Variants in DSCAM observed in about 807,000 individuals in gnomAD.
DSCAM encodes the protein DS cell adhesion molecule.
Under a neutral mutation model 217.7 loss-of-function variants are expected in DSCAM, and 47 were observed. The observed-to-expected ratio is 0.22, with a 90% CI of 0.17 to 0.28. The LOEUF (loss-of-function observed/expected upper bound fraction) is 0.28, where lower values mean the gene tolerates loss of function less well. Among genes scored for constraint, DSCAM ranks in the 10% least tolerant of loss-of-function variants. The pLI, the probability that DSCAM is intolerant of heterozygous loss-of-function variation, is 1.00. For missense variants in DSCAM, 2,080 were observed against 2,618.3 expected, an observed-to-expected ratio of 0.79 and a Z score of 4.49; for synonymous variants, 1,056 against 1,015.3, an observed-to-expected ratio of 1.04 and a Z score of -0.76.
At position 40,189,163 on chromosome 21, in the gene DSCAM, G is replaced by A. The variant is rs2090928314; in HGVS notation, c.2432C>T (p.Ala811Val). 3.7e-6 allele frequency: 6 copies of A among 1,613,846 alleles called. No individual in the cohort carries two copies. The highest frequency in any genetic ancestry group is 3.4e-6 in the Non-Finnish European group (4 of 1,180,012). ...QGQKKEMSCT[A>V]HGEKPIIVRW... ...GACTATAATGGGCTTCTCACCATGC[G>A]CCGTGCAGCTCATCTCCTTTTTCTG... The change falls in exon 12 of 33, where the codon GCG (alanine) becomes GTG (valine). Residue 811 changes from alanine (A) to valine (V), a missense_variant. Ala to Val is a moderately conservative substitution (Grantham distance 64, BLOSUM62 0). Coordinates refer to ENST00000400454, the MANE Select transcript of DSCAM (RefSeq NM_001389.5).
chr21:40,538,166 G>C (rs373026596), intron 3 of DSCAM, among the ~76,000 whole-genome samples: 1 of 152,200 alleles, frequency 6.6e-6, no homozygotes, highest in East Asian at 1.9e-4. Flanking sequence ...CTCTCCCATC[G>C]GTCACTCACT....
At chr21:40,427,103 G>A (rs758471343) in intron 3 of DSCAM, among the ~76,000 whole-genome samples, 30 of 152,184 alleles carry the variant, frequency 2.0e-4, no homozygotes, top group Non-Finnish European at 3.4e-4. Flanking sequence ...TCTCTGCAAT[G>A]AGCCTTGAAG....
chr21:40,035,460 G>GCTAA (rs2088601076), intron 32 of DSCAM, among the ~76,000 whole-genome samples: 1 of 129,156 alleles, frequency 7.7e-6, no homozygotes, highest in Non-Finnish European at 1.6e-5. Flanking sequence ...AACAAGAAGA[G>GCTAA]CTAACTATCC....
At chr21:40,721,298 A>T (rs947547004) in intron 1 of DSCAM, among the ~76,000 whole-genome samples, 5 of 152,202 alleles carry the variant, frequency 3.3e-5, no homozygotes, top group African/African-American at 1.2e-4. Flanking sequence ...AATAAGGGAA[A>T]TATGGCATAT....
chr21:40,060,613 C>T (rs1480225549), intron 28 of DSCAM, among the ~76,000 whole-genome samples: 1 of 152,122 alleles, frequency 6.6e-6, no homozygotes, highest in Non-Finnish European at 1.5e-5. Flanking sequence ...AAACTCACGC[C>T]ATTCTAAAGG....
intron 8 of DSCAM, among the ~76,000 whole-genome samples, chr21:40,313,754 C>CT (rs1220327102): frequency 1.3e-5 from 2 of 151,782 alleles, no homozygotes; most frequent in African/African-American, 4.8e-5. Context: ...TAATGTAAGC[C>CT]TTTTTTGTGT....
chr21:40,458,700 C>T (rs1026884489), intron 3 of DSCAM, among the ~76,000 whole-genome samples: 1 of 152,014 alleles, frequency 6.6e-6, no homozygotes, highest in African/African-American at 2.4e-5. Flanking sequence ...AAGATTTAAA[C>T]AACATAGTTA....
rs1370067482 is a variant in DSCAM, at chr21:40,762,136, C to T, written c.44-53365G>A. Among the ~76,000 whole-genome samples the T allele has an allele frequency of 2.6e-5, 4 of 152,164 alleles. No homozygotes were observed. The East Asian group carries it at 5.8e-4, about 22-fold the overall frequency. ...AGAGCAGAACTGAAGGAGTTAGACA[C>T]ATGAAAACACCTTCAAAAAATTAAT... is the stretch of plus-strand genomic sequence containing the variant. On this transcript the variant is annotated intron_variant, in intron 1 of 32. Coordinates refer to ENST00000400454, the MANE Select transcript of DSCAM (RefSeq NM_001389.5).
chr21:40,030,354 C>G (rs1444691453), intron 32 of DSCAM, among the ~76,000 whole-genome samples: 1 of 152,102 alleles, frequency 6.6e-6, no homozygotes, highest in Non-Finnish European at 1.5e-5. Flanking sequence ...TCGTTCCCGA[C>G]TGTGGTGAGT....
At position 40,085,765 on chromosome 21, in the gene DSCAM, A is replaced by T. The variant is rs566855093; in HGVS notation, c.3969T>A (p.Ser1323Arg). ...TCGTTACTAGACTGGGTGTCCCGTTACTGCCTCACAGGAAGAAAAATGCAC... is the reference window on the plus strand; with the variant it reads ...TCGTTACTAGACTGGGTGTCCCGTTTCTGCCTCACAGGAAGAAAAATGCAC... Reference protein sequence around the residue: ...PSPAVKWMKDSNGTPSLVTID... With the variant: ...PSPAVKWMKDRNGTPSLVTID... The change falls in exon 23 of 33, where the codon AGT (serine) becomes AGA (arginine). Residue 1323 changes from serine to arginine, a missense_variant and splice_region_variant. Ser to Arg is a moderately radical substitution (Grantham distance 110). Around this residue, in one of 5 missense-constraint regions of DSCAM, gnomAD observed 1,144 missense variants for 1,421.1 expected, o/e 0.81. Coordinates refer to ENST00000400454, the MANE Select transcript of DSCAM (RefSeq NM_001389.5). The T allele has an allele frequency of 2.0e-6, 3 of 1,495,678 alleles. No individual in the cohort carries two copies. The East Asian group carries it at 7.1e-5, about 35-fold the overall frequency. 92.7% of individuals were successfully genotyped at this position (1,495,678 alleles called of 1,614,324 possible).
At chr21:40,216,197 T>C (rs1247862940) in intron 11 of DSCAM, among the ~76,000 whole-genome samples, 1 of 152,088 alleles carries the variant, frequency 6.6e-6, no homozygotes, top group African/African-American at 2.4e-5. Context: ...ACTCCTGGGC[T>C]CAAGTGATCC....
chr21:40,319,637 T>G (rs1040447088), intron 8 of DSCAM, among the ~76,000 whole-genome samples: 9 of 152,184 alleles, frequency 5.9e-5, no homozygotes, highest in Admixed American at 4.6e-4. Flanking sequence ...TAAATTTTTT[T>G]AGGAAACTTC....
At chr21:40,033,016 C>A (rs1239604979) in intron 32 of DSCAM, among the ~76,000 whole-genome samples, 1 of 152,144 alleles carries the variant, frequency 6.6e-6, no homozygotes, top group African/African-American at 2.4e-5. Flanking sequence ...GAATATCTGG[C>A]CCCCAGAAAT....
At chr21:40,636,620 C>T (rs2089762806) in intron 3 of DSCAM, among the ~76,000 whole-genome samples, 1 of 152,052 alleles carries the variant, frequency 6.6e-6, no homozygotes, top group African/African-American at 2.4e-5. Context: ...TGGCATCACT[C>T]AGGCTCAGAG....
chr21:40,322,494 C>T (rs1017608458), intron 8 of DSCAM, among the ~76,000 whole-genome samples: 2 of 151,412 alleles, frequency 1.3e-5, no homozygotes, highest in Non-Finnish European at 2.9e-5. Context: ...AAATATTGGA[C>T]TCATGTCATT....
At chr21:40,759,358 C>T (rs564819446) in intron 1 of DSCAM, among the ~76,000 whole-genome samples, 4 of 152,308 alleles carry the variant, frequency 2.6e-5, no homozygotes, top group East Asian at 1.9e-4. Flanking sequence ...ACCTAATAGC[C>T]GGCTCTGCTT....
chr21:40,536,104 C>A (rs1367681865), intron 3 of DSCAM, among the ~76,000 whole-genome samples: 1 of 152,172 alleles, frequency 6.6e-6, no homozygotes, highest in Non-Finnish European at 1.5e-5. Flanking sequence ...ACGTAAGTGT[C>A]CAACATTCAG....
At chr21:40,533,584 ACCATCCATCCACCTGTCTGTCCATCCAT>A (rs2076469446) in intron 3 of DSCAM, among the ~76,000 whole-genome samples, 1 of 108,902 alleles carries the variant, frequency 9.2e-6, no homozygotes, top group Non-Finnish European at 2.1e-5. Context: ...CATCCATCCA[ACCATCCATCCACCTGTCTGTCCATCCAT>A]CCATCCATCC....
At position 40,078,799 on chromosome 21, in the gene DSCAM, G is replaced by A. The variant is rs768492747; in HGVS notation, c.4599C>T (p.Tyr1533=). ...TGGCTTCCTGCAGGTCATACAGGAT[G>A]TAGGACTTGGAGAGAGAGGTCCTCT... ...TAQRTSLSKS[Y]ILYDLQEATW... Residue 1533 remains tyrosine (Y), a synonymous_variant, in exon 26 of 33, where the codon TAC becomes TAT. Transcript: ENST00000400454. 14 of 1,614,134 alleles carry A rather than the reference G, an allele frequency of 8.7e-6. No individual in the cohort carries two copies. In the East Asian group the frequency reaches 2.2e-4, roughly 26 times the overall value.
Sources: gnomAD v4.1 joint callset for allele counts (sites outside exome capture counted in the v4.1 genomes callset) on GRCh38, gnomAD v4.1.1 for gene constraint, gnomAD v4.1.1 regional missense constraint, MANE v1.5 for transcripts, NCBI Gene and HGNC (gene_info 2026-07-23, HGNC 2026-07-21) for gene names.